Variants in IPO9 observed in about 807,000 individuals in gnomAD.
IPO9 encodes importin-9.
IPO9 carries 28 observed loss-of-function variants against 128.6 expected under a neutral mutation model. That is an observed-to-expected ratio of 0.22 (90% CI 0.16 to 0.30). IPO9 has a LOEUF of 0.30. Ranked by LOEUF, IPO9 falls within the 10% of genes least tolerant of loss-of-function variation. The probability of loss-of-function intolerance (pLI) is 1.00; values close to 1 mark genes in which losing one functional copy is unlikely to be tolerated. For missense variants in IPO9, 935 were observed against 1,293.9 expected (o/e 0.72, Z 4.26); for synonymous variants, 455 against 475.8 (o/e 0.96, Z 0.57).
chr1:201,848,616 G>A, intron 4 of IPO9, 22 bp downstream of exon 4: 4 of 1,611,776 alleles, frequency 2.5e-6, no homozygotes, highest in Non-Finnish European at 2.5e-6. Context: ...CCTTTTCCCT[G>A]GTATTGGTAC....
rs1450337331 is a variant in IPO9, at chr1:201,869,688, C to A, written c.2103C>A (p.Thr701=). Residue 701 remains threonine, a synonymous_variant, in exon 17 of 24, where the codon ACC becomes ACA. Coordinates refer to ENST00000361565, the MANE Select transcript of IPO9 (RefSeq NM_018085.5). The part of the protein sequence containing the change: ...CQAFPAVAQC[T]LHTDDNATMQ... The stretch of plus-strand genomic sequence containing the variant: ...CTTTCCCTGCTGTGGCACAGTGTAC[C>A]CTTCACACAGATGACAATGCCACCA... 6.2e-7 allele frequency: 1 copy of A among 1,614,182 alleles called. No homozygotes were observed. The highest frequency in any genetic ancestry group is 2.2e-5 in the East Asian group (1 of 44,888).
chr1:201,871,119 G>A (rs764238876), intron 18 of IPO9, 42 bp from the exon 19 acceptor site: 18 of 1,596,580 alleles, frequency 1.1e-5, no homozygotes, highest in Non-Finnish European at 6.9e-6. Context: ...CTATGTCTCT[G>A]AAATTGATTT....
In IPO9 at chr1:201,829,798, A is replaced by G. The variant is rs571117839; in HGVS notation, c.163+426A>G. Among the ~76,000 whole-genome samples the G allele has an allele frequency of 9.9e-5, 15 of 152,198 alleles. No homozygotes were observed. The East Asian group carries it at 2.7e-3, about 27-fold the overall frequency. ...GGGGAGCTATTAGTAGGAGTGGTGA[A>G]GGGTAGGGCCTCGAAAAGGCGGCTA... On this transcript the variant is annotated intron_variant, in intron 1 of 23. Coordinates refer to ENST00000361565, the MANE Select transcript of IPO9 (RefSeq NM_018085.5).
rs1680731304 is a variant in IPO9 at position 201,874,863 on chromosome 1, G to A, written c.2865G>A (p.Glu955=). The stretch of plus-strand genomic sequence containing the variant: ...CCAATGATATGTGGGAGGACCAGGA[G>A]GAGGAAGAGGAGGAGGAGGAGGATG... ...DDSNDMWEDQ[E]EEEEEEEDGL... is the part of the protein sequence containing the mutation. Residue 955 remains glutamate (E), a synonymous_variant, in exon 22 of 24, where the codon GAG becomes GAA. Coordinates refer to ENST00000361565, the MANE Select transcript of IPO9 (RefSeq NM_018085.5). 9 of 1,613,400 alleles carry A rather than the reference G, an allele frequency of 5.6e-6. No homozygotes were observed. Among genetic ancestry groups the A allele is most frequent in the African/African-American group, 1.3e-5 (1 of 74,904 alleles).
chr1:201,875,334 A>C (rs1052127607), intron 23 of IPO9, 106 bp downstream of exon 23: 2 of 1,008,822 alleles, frequency 2.0e-6, no homozygotes, highest in Non-Finnish European at 3.1e-6. Context: ...TCATGCCTGT[A>C]ATCCCAACAC....
At chr1:201,830,534 T>C (rs1303432755) in intron 1 of IPO9, among the ~76,000 whole-genome samples, 1 of 152,258 alleles carries the variant, frequency 6.6e-6, no homozygotes, top group Non-Finnish European at 1.5e-5. Flanking sequence ...GGCCCACTTG[T>C]AATTGTCATT....
Position 201,870,710 on chromosome 1 carries a change from G to A in IPO9, c.2261G>A (p.Arg754His), listed in dbSNP as rs747564859. Reference sequence around the variant, plus strand: ...GTGGTGAGCCAGCTCCTGGACCCCCGCACCTCAGAGTTCACTGCGGCCTTT... The same window carrying A: ...GTGGTGAGCCAGCTCCTGGACCCCCACACCTCAGAGTTCACTGCGGCCTTT... ...MQVVSQLLDP[R>H]TSEFTAAFVG... The change falls in exon 18 of 24, where the codon CGC becomes CAC. Residue 754 changes from arginine (R) to histidine (H), a missense_variant. By Grantham distance (29) the Arg-to-His change is conservative. Around this residue, in one of 3 missense-constraint regions of IPO9, gnomAD observed 741 missense variants for 1,019.1 expected, o/e 0.73. Transcript: ENST00000361565. The surrounding 1 kb of genome is among the most constrained non-coding windows in gnomAD (Gnocchi z 4.9). 28 of 1,614,064 alleles carry A rather than the reference G, an allele frequency of 1.7e-5. No homozygotes were observed. Among genetic ancestry groups the A allele is most frequent in the South Asian group, 5.5e-5 (5 of 91,094 alleles).
intron 11 of IPO9, 45 bp from the exon 12 acceptor site, chr1:201,858,402 A>G (rs766704939): frequency 1.8e-5 from 20 of 1,106,948 alleles, no homozygotes; most frequent in Middle Eastern, 2.1e-4. Flanking sequence ...ATTAAAATGC[A>G]TTTAATGGGC....
chr1:201,868,916 C>T, intron 16 of IPO9, 120 bp downstream of exon 16: 2 of 1,348,212 alleles, frequency 1.5e-6, no homozygotes, highest in Non-Finnish European at 1.9e-6. Flanking sequence ...TTTTGCTGAG[C>T]TCTTTTGCCT....
intron 1 of IPO9, 109 bp from the exon 2 acceptor site, chr1:201,847,170 C>G: frequency 1.2e-6 from 1 of 801,448 alleles, no homozygotes; most frequent in Non-Finnish European, 2.1e-6. Flanking sequence ...CTTTTTGAAA[C>G]AACAGATTAA....
chr1:201,859,039 G>T, intron 13 of IPO9, 45 bp downstream of exon 13: 1 of 1,576,328 alleles, frequency 6.3e-7, no homozygotes, highest in African/African-American at 1.3e-5. Context: ...CTTTAAACCT[G>T]TTGTGGGGTT....
chr1:201,851,407 A>AAAGG (rs1680215027), intron 4 of IPO9, among the ~76,000 whole-genome samples: 1 of 151,900 alleles, frequency 6.6e-6, no homozygotes, highest in Non-Finnish European at 1.5e-5. Context: ...GCTGCTTTGT[A>AAAGG]ACATGAATCC....
At position 201,843,903 on chromosome 1, in the gene IPO9, C is replaced by CAG. The variant is rs60116971; in HGVS notation, c.164-3375_164-3374dup. Reference sequence around the variant, plus strand: ...AATAAGGCTTACAGGAGCTGAGAACCAGGAATCATGGATGAAAACCAAAAT... The same window carrying CAG: ...AATAAGGCTTACAGGAGCTGAGAACCAGAGGAATCATGGATGAAAACCAAAAT... On this transcript the variant is annotated intron_variant, in intron 1 of 23. Coordinates refer to ENST00000361565, the MANE Select transcript of IPO9 (RefSeq NM_018085.5). Among the ~76,000 whole-genome samples, 1,171 of 151,508 alleles carry CAG rather than the reference C, an allele frequency of 7.7e-3. 24 individuals are homozygous for CAG. The highest frequency in any genetic ancestry group is 0.027 in the African/African-American group (1,119 of 41,286).
intron 1 of IPO9, among the ~76,000 whole-genome samples, chr1:201,842,905 C>CA (rs1336148246): frequency 3.3e-5 from 5 of 152,306 alleles, no homozygotes; most frequent in African/African-American, 1.2e-4. Context: ...AGCTAAGAAG[C>CA]AATGTCATCT....
At chr1:201,874,052 C>G (rs567066074) in intron 20 of IPO9, among the ~76,000 whole-genome samples, 198 bp from the exon 21 acceptor site, 1 of 152,252 alleles carries the variant, frequency 6.6e-6, no homozygotes, top group East Asian at 1.9e-4. Context: ...CTCATCTCTC[C>G]CAGCTTCTGA....
At position 201,878,449 on chromosome 1, in the gene IPO9, C is replaced by CA. The variant is rs1190636060; in HGVS notation, c.*2398dup. 1 of 152,608 alleles carries CA rather than the reference C, an allele frequency of 6.6e-6. No individual in the cohort carries two copies. Among genetic ancestry groups the CA allele is most frequent in the East Asian group, 1.9e-4 (1 of 5,194 alleles). The allele number at this position is 152,608 out of a possible 1,614,324, so 9.5% of individuals were successfully genotyped here. On this transcript the variant is annotated 3_prime_UTR_variant, in exon 24 of 24. Transcript: ENST00000361565. The stretch of plus-strand genomic sequence containing the variant: ...GGTCCCTCTGCGTCTGCTAATTAGA[C>CA]AAACATTCTATATCTAGTGCCAAAA...
chr1:201,868,290 T>G (rs1680591715), intron 15 of IPO9, among the ~76,000 whole-genome samples: 1 of 150,654 alleles, frequency 6.6e-6, no homozygotes, highest in African/African-American at 2.4e-5. Flanking sequence ...TCATGTCTTC[T>G]TAAAGTATCA....
At position 201,880,284 on chromosome 1, in the gene IPO9, CTAGGG is replaced by C. The variant is rs1451691600; in HGVS notation, c.*4234_*4238del. 1 of 152,156 alleles carries C rather than the reference CTAGGG, an allele frequency of 6.6e-6. No individual in the cohort carries two copies. Among genetic ancestry groups the C allele is most frequent in the South Asian group, 2.1e-4 (1 of 4,830 alleles). 9.4% of individuals were successfully genotyped at this position (152,156 alleles called of 1,614,324 possible). ...GGATGAGATAATAAAAACAGGTTGT[CTAGGG>C]TAGTGTGGAAGGTCCTTTCAGTCTT... On this transcript the variant is annotated 3_prime_UTR_variant, in exon 24 of 24. Coordinates refer to ENST00000361565, the MANE Select transcript of IPO9 (RefSeq NM_018085.5).
At position 201,876,345 on chromosome 1, in the gene IPO9, G is replaced by T; in HGVS notation, c.*291G>T. 1 of 514,134 alleles carries T rather than the reference G, an allele frequency of 1.9e-6. No individual in the cohort carries two copies. The highest frequency in any genetic ancestry group is 2.0e-5 in the South Asian group (1 of 50,178). The allele number at this position is 514,134 out of a possible 1,614,324, so 31.8% of individuals were successfully genotyped here. On this transcript the variant is annotated 3_prime_UTR_variant, in exon 24 of 24. Coordinates refer to ENST00000361565, the MANE Select transcript of IPO9 (RefSeq NM_018085.5). ...TCTGTTCCTAGAGCCCTCTGCTGGC[G>T]AGTCCAGAAACATTATTGCCCAGAA...
Sources: allele counts gnomAD v4.1 joint callset (sites outside exome capture counted in the v4.1 genomes callset), GRCh38; gene constraint gnomAD v4.1.1; regional missense constraint gnomAD v4.1.1; non-coding constraint Gnocchi (gnomAD v3.1); transcripts MANE v1.5; gene names NCBI Gene and HGNC (gene_info 2026-07-23, HGNC 2026-07-21).